CYREN: variants seen among roughly 807,000 people sequenced by gnomAD.
CYREN encodes the protein cell cycle regulator of non-homologous end joining.
Under a neutral mutation model 9.7 loss-of-function variants are expected in CYREN, and 7 were observed. The observed-to-expected ratio is 0.72, with a 90% CI of 0.41 to 1.36. The LOEUF (loss-of-function observed/expected upper bound fraction) is 1.36. Among genes scored for constraint, CYREN ranks in the 40% most tolerant of loss-of-function variants. The pLI is 0.01. For synonymous variants in CYREN, 76 were observed against 77.9 expected (o/e 0.98, Z 0.13); for missense variants, 215 against 198.1 (o/e 1.09, Z -0.51).
intron 2 of CYREN, among the ~76,000 whole-genome samples, chr7:135,108,697 T>C (rs1825148905): frequency 6.6e-6 from 1 of 152,208 alleles, no homozygotes; most frequent in African/African-American, 2.4e-5. Flanking sequence ...TTGTATAGAA[T>C]CTTGCAGGGG....
At chr7:135,097,923 G>C (rs1458431868) in intron 2 of CYREN, among the ~76,000 whole-genome samples, 1 of 152,100 alleles carries the variant, frequency 6.6e-6, no homozygotes, top group Non-Finnish European at 1.5e-5. Context: ...TCTATGCTCA[G>C]TTTAAGTTCA....
intron 2 of CYREN, among the ~76,000 whole-genome samples, chr7:135,139,730 T>G (rs1289369876): frequency 6.6e-6 from 1 of 152,150 alleles, no homozygotes; most frequent in Non-Finnish European, 1.5e-5. Context: ...CTTTAATCCA[T>G]CTTGAGTTGA....
intron 2 of CYREN, among the ~76,000 whole-genome samples, chr7:135,152,486 T>C (rs866094947): frequency 2.6e-5 from 4 of 152,258 alleles, no homozygotes; most frequent in African/African-American, 9.6e-5. Context: ...GCCTGTCTTC[T>C]TCTCTGGAAA....
chr7:135,097,395 T>C (rs1050731607), intron 2 of CYREN, among the ~76,000 whole-genome samples: 1 of 152,162 alleles, frequency 6.6e-6, no homozygotes, highest in African/African-American at 2.4e-5. Flanking sequence ...TCAAATAATC[T>C]TGATTTCTAT....
At chr7:135,149,499 T>C (rs896102117) in intron 2 of CYREN, among the ~76,000 whole-genome samples, 15 of 152,248 alleles carry the variant, frequency 9.9e-5, no homozygotes, top group African/African-American at 3.1e-4. Flanking sequence ...TTCCTATGTA[T>C]AAATTATTGA....
chr7:135,132,809 A>G (rs1271664213), intron 2 of CYREN, among the ~76,000 whole-genome samples: 1 of 152,154 alleles, frequency 6.6e-6, no homozygotes, highest in African/African-American at 2.4e-5. Context: ...GCCATGTGGA[A>G]CTGTGAGTCA....
rs1435779557 is a variant in CYREN at position 135,153,627 on chromosome 7, A to AC, written n.356+15121dup. Among the ~76,000 whole-genome samples the AC allele has an allele frequency of 6.6e-5, 10 of 152,226 alleles. 1 individual carries two copies. The highest frequency in any genetic ancestry group is 5.9e-4 in the Admixed American group (9 of 15,284). On this transcript the variant is annotated intron_variant and non_coding_transcript_variant, in intron 2 of 2. Transcript: ENST00000459937. ...AACTGAAAAACCACGCAATCCAGCA[A>AC]CCTGGGGTATCATATTTATTGATTT... is the stretch of plus-strand genomic sequence containing the variant.
intron 2 of CYREN, chr7:135,129,461 G>C: frequency 1.3e-6 from 1 of 777,392 alleles, no homozygotes; most frequent in East Asian, 2.4e-5. Context: ...AGTGGCTAGA[G>C]AAAAACTTCA....
intron 2 of CYREN, among the ~76,000 whole-genome samples, chr7:135,144,415 G>A (rs1829505763): frequency 1.3e-5 from 2 of 152,126 alleles, no homozygotes; most frequent in Admixed American, 1.3e-4. Context: ...TGACTTGTTT[G>A]GAACAGAGTG....
chr7:135,134,403 T>C (rs911476229), intron 2 of CYREN, among the ~76,000 whole-genome samples: 2 of 146,022 alleles, frequency 1.4e-5, no homozygotes, highest in Non-Finnish European at 3.1e-5. Context: ...AACTTCCCTC[T>C]CTTAGACTCA....
intron 2 of CYREN, among the ~76,000 whole-genome samples, chr7:135,131,243 C>T (rs932204964): frequency 1.3e-4 from 20 of 151,944 alleles, no homozygotes; most frequent in Middle Eastern, 3.2e-3. Context: ...TGTTTTCACT[C>T]ATAAGTGGGA....
Position 135,151,111 on chromosome 7 carries a change from A to C in CYREN, n.356+17638T>G, listed in dbSNP as rs553907315. ...TGTTATAATCTCATGGTATAGTCCT[A>C]TTTTGTCTGATAAAGCTGTTTTATT... is the stretch of plus-strand genomic sequence containing the variant. On this transcript the variant is annotated intron_variant and non_coding_transcript_variant, in intron 2 of 2. Coordinates refer to the CYREN transcript ENST00000459937. The surrounding 1 kb of genome is among the most constrained non-coding windows in gnomAD (Gnocchi z 4.3). 6.6e-6 allele frequency among the ~76,000 whole-genome samples: 1 copy of C among 152,276 alleles called. No homozygotes were observed. The highest frequency in any genetic ancestry group is 1.9e-4 in the East Asian group (1 of 5,188).
intron 2 of CYREN, among the ~76,000 whole-genome samples, chr7:135,108,519 T>C (rs1825115638): frequency 6.6e-6 from 1 of 152,204 alleles, no homozygotes; most frequent in Non-Finnish European, 1.5e-5. Context: ...TCTTTAAGAA[T>C]ATTGAATATA....
intron 2 of CYREN, among the ~76,000 whole-genome samples, chr7:135,142,162 A>C (rs911299947): frequency 6.6e-6 from 1 of 152,098 alleles, no homozygotes; most frequent in African/African-American, 2.4e-5. Flanking sequence ...TAAAAGAAAA[A>C]GTTGAATTGC....
At chr7:135,094,650 A>G in intron 2 of CYREN, 3 of 407,706 alleles carry the variant, frequency 7.4e-6, no homozygotes, top group Non-Finnish European at 1.5e-5. Flanking sequence ...ACAAGGGCCT[A>G]CTCTCTTAGG....
intron 2 of CYREN, among the ~76,000 whole-genome samples, chr7:135,095,752 C>T (rs1026649907): frequency 6.6e-6 from 1 of 152,134 alleles, no homozygotes; most frequent in African/African-American, 2.4e-5. Flanking sequence ...TGTTGGCAAC[C>T]ATGATTTTTG....
intron 2 of CYREN, among the ~76,000 whole-genome samples, chr7:135,096,584 C>CATAGATAGATAGATAG (rs71172496): frequency 0.077 from 6,743 of 87,764 alleles, 324 homozygotes; most frequent in East Asian, 0.15. Context: ...TAGATAGATA[C>CATAGATAGATAGATAG]ATAGATAGAT....
intron 2 of CYREN, among the ~76,000 whole-genome samples, chr7:135,141,789 C>A (rs947596003): frequency 2.0e-5 from 3 of 152,076 alleles, no homozygotes; most frequent in Non-Finnish European, 2.9e-5. Flanking sequence ...TGATTTCTGC[C>A]TTAATTTCAT....
intron 2 of CYREN, among the ~76,000 whole-genome samples, chr7:135,098,775 T>C (rs936220545): frequency 6.6e-6 from 1 of 152,176 alleles, no homozygotes; most frequent in East Asian, 1.9e-4. Context: ...AGAGCAAAAA[T>C]ATCCTACTTT....
Sources: gnomAD v4.1 joint callset for allele counts (sites outside exome capture counted in the v4.1 genomes callset) on GRCh38, gnomAD v4.1.1 for gene constraint, Gnocchi (gnomAD v3.1) non-coding constraint, MANE v1.5 for transcripts, NCBI Gene and HGNC (gene_info 2026-07-23, HGNC 2026-07-21) for gene names.